The following SPOCK1 variants were observed in gnomAD, a reference collection of about 807,000 sequenced individuals.
SPOCK1 encodes testican-1.
SPOCK1 carries 23 observed loss-of-function variants against 55.3 expected under a neutral mutation model. The observed-to-expected ratio is 0.42, with a 90% CI of 0.30 to 0.59. The LOEUF (loss-of-function observed/expected upper bound fraction) is 0.59, where lower values mean the gene tolerates loss of function less well. Among genes scored for constraint, SPOCK1 ranks in the 20% least tolerant of loss-of-function variants. The probability of loss-of-function intolerance (pLI) is 0.22; values close to 1 mark genes in which losing one functional copy is unlikely to be tolerated. For missense variants in SPOCK1, 499 were observed against 552.5 expected (o/e 0.90, Z 0.97); for synonymous variants, 226 against 221.0 (o/e 1.02, Z -0.20).
At chr5:137,335,944 G>C (rs1383783013) in intron 2 of SPOCK1, among the ~76,000 whole-genome samples, 1 of 152,172 alleles carries the variant, frequency 6.6e-6, no homozygotes, top group Non-Finnish European at 1.5e-5. Context: ...CTGTGAGAAA[G>C]GCTCTTTATT....
At chr5:137,044,959 C>A (rs1752082907) in intron 6 of SPOCK1, among the ~76,000 whole-genome samples, 1 of 140,256 alleles carries the variant, frequency 7.1e-6, no homozygotes, top group Non-Finnish European at 1.5e-5. Flanking sequence ...CATGTCCCTA[C>A]AAAGGACATG....
chr5:137,340,803 C>T (rs995442858), intron 2 of SPOCK1, among the ~76,000 whole-genome samples: 1 of 151,332 alleles, frequency 6.6e-6, no homozygotes, highest in East Asian at 1.9e-4. Context: ...ATCACTTGAA[C>T]TTGGGAGGCA....
At chr5:137,494,111 T>C (rs2149846089) in intron 2 of SPOCK1, among the ~76,000 whole-genome samples, 1 of 152,328 alleles carries the variant, frequency 6.6e-6, no homozygotes, top group East Asian at 1.9e-4. Flanking sequence ...TAAAGTTAAA[T>C]GTCAGGGTTT....
intron 5 of SPOCK1, among the ~76,000 whole-genome samples, chr5:137,110,343 A>C (rs886297849): frequency 1.3e-5 from 2 of 152,226 alleles, no homozygotes; most frequent in Non-Finnish European, 2.9e-5. Context: ...CAGCTTGGTC[A>C]TCACCTGGGA....
intron 2 of SPOCK1, among the ~76,000 whole-genome samples, chr5:137,386,707 A>G (rs1000741906): frequency 2.0e-5 from 3 of 152,336 alleles, no homozygotes; most frequent in South Asian, 4.1e-4. Flanking sequence ...TAAAACCCCT[A>G]GAAGATAACA....
Position 137,214,635 on chromosome 5 carries a change from G to A in SPOCK1, c.232+52375C>T, listed in dbSNP as rs142115806. On this transcript the variant is annotated intron_variant, in intron 3 of 10. Coordinates refer to ENST00000394945, the MANE Select transcript of SPOCK1 (RefSeq NM_004598.4). Reference sequence around the variant, plus strand: ...CAATTGGGATAAATAATAAGACAAAGGCATGAAAAGATAAACAGAAACAAT... The same window carrying A: ...CAATTGGGATAAATAATAAGACAAAAGCATGAAAAGATAAACAGAAACAAT... Among the ~76,000 whole-genome samples the A allele has an allele frequency of 3.6e-3, 542 of 152,206 alleles. 5 individuals carry two copies. The highest frequency in any genetic ancestry group is 0.012 in the African/African-American group (497 of 41,532).
At chr5:136,992,422 A>G (rs1750966256) in intron 7 of SPOCK1, 62 bp downstream of exon 7, 2 of 1,280,170 alleles carry the variant, frequency 1.6e-6, no homozygotes, top group Admixed American at 2.3e-5. Flanking sequence ...CCCAAATGAT[A>G]TTGCTAACCC....
intron 2 of SPOCK1, among the ~76,000 whole-genome samples, chr5:137,366,641 C>T (rs1751073392): frequency 6.6e-6 from 1 of 152,216 alleles, no homozygotes; most frequent in Admixed American, 6.5e-5. Flanking sequence ...TGAGTTAATG[C>T]CATTTAACAC....
At chr5:137,474,735 A>C (rs957863521) in intron 2 of SPOCK1, among the ~76,000 whole-genome samples, 1 of 152,204 alleles carries the variant, frequency 6.6e-6, no homozygotes, top group African/African-American at 2.4e-5. Flanking sequence ...ATCAATAGGC[A>C]CAGTGATGTC....
intron 2 of SPOCK1, among the ~76,000 whole-genome samples, chr5:137,468,007 C>A (rs1451195920): frequency 6.6e-6 from 1 of 152,212 alleles, no homozygotes; most frequent in Admixed American, 6.5e-5. Context: ...ACTTTCAGAA[C>A]CTCCAGTGCC....
chr5:137,055,398 C>T (rs1036914979), intron 6 of SPOCK1, among the ~76,000 whole-genome samples: 4 of 152,096 alleles, frequency 2.6e-5, no homozygotes, highest in African/African-American at 9.6e-5. Flanking sequence ...TTGTTTTAAG[C>T]TTTAAATTTT....
chr5:137,001,040 G>C (rs1751138896), intron 6 of SPOCK1, among the ~76,000 whole-genome samples: 2 of 152,050 alleles, frequency 1.3e-5, no homozygotes, highest in South Asian at 4.2e-4. Flanking sequence ...CAAAAAATAG[G>C]CTCTGGAGTC....
intron 3 of SPOCK1, among the ~76,000 whole-genome samples, chr5:137,185,765 T>C (rs1416335172): frequency 6.6e-6 from 1 of 152,018 alleles, no homozygotes; most frequent in Non-Finnish European, 1.5e-5. Flanking sequence ...CAGGCTGGCA[T>C]CTAAGGAGGC....
intron 2 of SPOCK1, among the ~76,000 whole-genome samples, chr5:137,476,716 G>A (rs534944046): frequency 6.6e-6 from 1 of 152,176 alleles, no homozygotes; most frequent in Non-Finnish European, 1.5e-5. Context: ...CTTGAGGTCA[G>A]AAGTTCAACA....
At chr5:137,245,776 C>CAAAAAAAAAAAAAAAA (rs143599362) in intron 3 of SPOCK1, among the ~76,000 whole-genome samples, 1 of 140,866 alleles carries the variant, frequency 7.1e-6, no homozygotes, top group African/African-American at 2.5e-5. Flanking sequence ...CAAAACAAAA[C>CAAAAAAAAAAAAAAAA]AAAAAAAAAA....
intron 2 of SPOCK1, among the ~76,000 whole-genome samples, chr5:137,448,657 A>G (rs1753181346): frequency 6.6e-6 from 1 of 152,222 alleles, no homozygotes; most frequent in African/African-American, 2.4e-5. Flanking sequence ...TTGAACTTGC[A>G]TTTGCAAACA....
intron 3 of SPOCK1, among the ~76,000 whole-genome samples, chr5:137,199,009 G>A (rs1014255456): frequency 3.3e-5 from 5 of 152,152 alleles, no homozygotes; most frequent in African/African-American, 7.2e-5. Flanking sequence ...TGCCATAACC[G>A]TTTGTCAAAG....
chr5:137,039,408 A>G (rs965939718), intron 6 of SPOCK1, among the ~76,000 whole-genome samples: 1 of 151,732 alleles, frequency 6.6e-6, no homozygotes, highest in Non-Finnish European at 1.5e-5. Flanking sequence ...GAGGACCTCA[A>G]TGCCCATGTT....
At chr5:137,154,605 G>A (rs1044142387) in intron 3 of SPOCK1, among the ~76,000 whole-genome samples, 3 of 152,220 alleles carry the variant, frequency 2.0e-5, no homozygotes, top group African/African-American at 7.2e-5. Context: ...CATCCTTGGT[G>A]CAATTAGTCT....
Sources: allele counts gnomAD v4.1 joint callset (sites outside exome capture counted in the v4.1 genomes callset), GRCh38; gene constraint gnomAD v4.1.1; transcripts MANE v1.5; gene names NCBI Gene and HGNC (gene_info 2026-07-23, HGNC 2026-07-21).